Variants in ITSN2 observed in about 807,000 individuals in gnomAD.
ITSN2 encodes intersectin 2.
In ITSN2, 156 loss-of-function variants were observed where a neutral mutation model predicts 243.7. The observed-to-expected ratio is 0.64, with a 90% CI of 0.56 to 0.73. The LOEUF is 0.73. Ranked by LOEUF, ITSN2 falls within the 30% of genes least tolerant of loss-of-function variation. The pLI is 0.00. For synonymous variants in ITSN2, 703 were observed against 699.9 expected (o/e 1.00, Z -0.07); for missense variants, 1,801 against 1,996.1 (o/e 0.90, Z 1.86).
At chr2:24,278,840 C>T (rs767031335) in intron 17 of ITSN2, among the ~76,000 whole-genome samples, 6 of 151,688 alleles carry the variant, frequency 4.0e-5, no homozygotes, top group Admixed American at 2.0e-4. Context: ...TTAGTAGAGA[C>T]GGGGTTTTAC....
chr2:24,307,439 A>G (rs6737037), intron 8 of ITSN2, among the ~76,000 whole-genome samples: 20,360 of 152,176 alleles, frequency 0.13, 1,934 homozygotes, highest in African/African-American at 0.27. Flanking sequence ...AATATGAAAT[A>G]CATGTAAAAA....
At chr2:24,307,978 C>T (rs1375285951) in intron 8 of ITSN2, among the ~76,000 whole-genome samples, 1 of 152,160 alleles carries the variant, frequency 6.6e-6, no homozygotes, top group Non-Finnish European at 1.5e-5. Context: ...TATTTTTAAA[C>T]ACTTATTTTA....
intron 15 of ITSN2, among the ~76,000 whole-genome samples, chr2:24,289,689 C>A (rs2151585299): frequency 6.6e-6 from 1 of 152,340 alleles, no homozygotes; most frequent in African/African-American, 2.4e-5. Flanking sequence ...GATCTTAGAT[C>A]AAGCTTATCC....
chr2:24,226,984 C>T (rs549370143), intron 29 of ITSN2, among the ~76,000 whole-genome samples: 3 of 152,026 alleles, frequency 2.0e-5, no homozygotes, highest in Non-Finnish European at 2.9e-5. Flanking sequence ...GGGGTGGTGG[C>T]GTCTGCCTGT....
intron 37 of ITSN2, 76 bp from the exon 38 acceptor site, chr2:24,205,373 A>C: frequency 8.1e-7 from 1 of 1,231,002 alleles, no homozygotes; most frequent in African/African-American, 1.5e-5. Flanking sequence ...CAACCATAAC[A>C]CTACCGGCTC....
intron 3 of ITSN2, among the ~76,000 whole-genome samples, chr2:24,313,992 T>C (rs72855442): frequency 0.011 from 1,681 of 152,306 alleles, 28 homozygotes; most frequent in African/African-American, 0.039. Context: ...GGGTTTGTAA[T>C]GAGCAATCTT....
chr2:24,335,812 A>C (rs2151880687), intron 1 of ITSN2, among the ~76,000 whole-genome samples: 1 of 148,964 alleles, frequency 6.7e-6, no homozygotes, highest in African/African-American at 2.5e-5. Flanking sequence ...TAATTTTTGT[A>C]TTTTTAGTAG....
intron 18 of ITSN2, chr2:24,273,793 G>T (rs1277478710): frequency 1.3e-5 from 2 of 152,212 alleles, no homozygotes; most frequent in African/African-American, 4.8e-5. Context: ...CCGGTCCAGT[G>T]CCACAGGATG....
rs533762195 is a variant in ITSN2 at position 24,331,154 on chromosome 2, C to T, written c.-33-3039G>A. On this transcript the variant is annotated intron_variant, in intron 1 of 39. Coordinates refer to ENST00000355123, the MANE Select transcript of ITSN2 (RefSeq NM_006277.3). ...TGGCGCGATCTTGGCTGACTGCAAC[C>T]TCCGCCTCCCAGGTTCAAGCAATTC... is the stretch of plus-strand genomic sequence containing the variant. 3.1e-4 allele frequency among the ~76,000 whole-genome samples: 47 copies of T among 151,346 alleles called. 1 individual carries two copies. The highest frequency in any genetic ancestry group is 1.1e-3 in the African/African-American group (46 of 41,204).
chr2:24,340,744 G>GA (rs200911348), intron 1 of ITSN2, among the ~76,000 whole-genome samples: 23 of 149,988 alleles, frequency 1.5e-4, no homozygotes, highest in Admixed American at 6.7e-4. Flanking sequence ...CTCAAAAAAG[G>GA]AAAAAAAACA....
chr2:24,350,549 C>G (rs535792754), intron 1 of ITSN2, among the ~76,000 whole-genome samples: 1 of 152,176 alleles, frequency 6.6e-6, no homozygotes, highest in Non-Finnish European at 1.5e-5. Flanking sequence ...TCACAATAGC[C>G]AAAAAGTAGA....
chr2:24,359,083 C>T (rs185409362), intron 1 of ITSN2, among the ~76,000 whole-genome samples: 1 of 152,276 alleles, frequency 6.6e-6, no homozygotes, highest in Admixed American at 6.5e-5. Flanking sequence ...GTCACAGGCA[C>T]AGCCAAAAAA....
intron 20 of ITSN2, among the ~76,000 whole-genome samples, chr2:24,262,770 TG>T (rs1206146550): frequency 3.9e-5 from 6 of 152,226 alleles, no homozygotes; most frequent in Non-Finnish European, 2.9e-5. Flanking sequence ...TATCTTCAAG[TG>T]GATGTCCCAT....
In ITSN2 at chr2:24,209,948, T is replaced by G; in HGVS notation, c.4343A>C (p.Lys1448Thr). 6.2e-7 allele frequency: 1 copy of G among 1,614,228 alleles called. No individual in the cohort carries two copies. Among genetic ancestry groups the G allele is most frequent in the Non-Finnish European group, 8.5e-7 (1 of 1,180,004 alleles). Residue 1448 changes from lysine to threonine, a missense_variant, in exon 35 of 40, where the codon AAG (lysine) becomes ACG (threonine). By Grantham distance (78) the Lys-to-Thr change is moderately conservative. Around this residue, in one of 5 missense-constraint regions of ITSN2, gnomAD observed 928 missense variants for 1,065.4 expected, o/e 0.87. Coordinates refer to ENST00000355123, the MANE Select transcript of ITSN2 (RefSeq NM_006277.3). ...SGKLYKTKSN[K>T]ELHGFLFNDF... ...ATTGAAGAGGAATCCGTGCAGTTCC[T>G]TGTTGCTCTTGGTCTTGTATAATTT... is the stretch of plus-strand genomic sequence containing the variant.
intron 2 of ITSN2, 85 bp from the exon 3 acceptor site, chr2:24,315,309 T>C: frequency 1.3e-6 from 1 of 749,422 alleles, no homozygotes; most frequent in Non-Finnish European, 2.3e-6. Flanking sequence ...ATCACAAGTG[T>C]TCATTGTATG....
At chr2:24,292,500 A>G (rs1051990558) in intron 15 of ITSN2, among the ~76,000 whole-genome samples, 1 of 152,230 alleles carries the variant, frequency 6.6e-6, no homozygotes, top group African/African-American at 2.4e-5. Flanking sequence ...GACCACATCA[A>G]TGGAAGGCAG....
At chr2:24,231,611 G>A (rs143655810) in intron 29 of ITSN2, among the ~76,000 whole-genome samples, 3 of 152,292 alleles carry the variant, frequency 2.0e-5, no homozygotes, top group Non-Finnish European at 2.9e-5. Flanking sequence ...TAGGTATGTC[G>A]CACCATAGTT....
intron 5 of ITSN2, among the ~76,000 whole-genome samples, chr2:24,310,929 CCT>C (rs1683187990): frequency 6.6e-6 from 1 of 152,048 alleles, no homozygotes; most frequent in Non-Finnish European, 1.5e-5. Flanking sequence ...TAAATATTCT[CCT>C]CTCTCATCAT....
Position 24,211,282 on chromosome 2 carries a change from C to T in ITSN2, c.4090-335G>A, listed in dbSNP as rs546491242. Among the ~76,000 whole-genome samples, 5 of 152,282 alleles carry T rather than the reference C, an allele frequency of 3.3e-5. No individual in the cohort carries two copies. Among genetic ancestry groups the T allele is most frequent in the African/African-American group, 4.8e-5 (2 of 41,544 alleles). On this transcript the variant is annotated intron_variant, in intron 33 of 39. Coordinates refer to ENST00000355123, the MANE Select transcript of ITSN2 (RefSeq NM_006277.3). This position sits in a 1 kb window ranked among gnomAD's most constrained non-coding sequence, Gnocchi z 4.1. ...CCGAAATTTAAGCCATGTAAGGGTG[C>T]GCCCTCCTGTATAAACTGGCTGCAG...
Sources: gnomAD v4.1 joint callset for allele counts (sites outside exome capture counted in the v4.1 genomes callset) on GRCh38, gnomAD v4.1.1 for gene constraint, gnomAD v4.1.1 regional missense constraint, Gnocchi (gnomAD v3.1) non-coding constraint, MANE v1.5 for transcripts, NCBI Gene and HGNC (gene_info 2026-07-23, HGNC 2026-07-21) for gene names.